The following DIAPH2 variants were observed in gnomAD, a reference collection of about 807,000 sequenced individuals.
DIAPH2 encodes the protein diaphanous related formin 2.
Under a neutral mutation model 92.7 loss-of-function variants are expected in DIAPH2, and 35 were observed. The ratio of observed to expected loss-of-function variants is 0.38; its 90% CI spans 0.29 to 0.50. DIAPH2 has a LOEUF of 0.50. DIAPH2 is among the 20% of genes least tolerant of loss of function. DIAPH2 has a pLI of 0.94. For missense variants in DIAPH2, 701 were observed against 819.5 expected (o/e 0.86, Z 1.77); for synonymous variants, 301 against 280.4 (o/e 1.07, Z -0.73).
chrX:96,730,764 C>T (rs2064049095), intron 1 of DIAPH2, among the ~76,000 whole-genome samples: 1 of 111,344 alleles, frequency 9.0e-6, no homozygotes, highest in Admixed American at 9.6e-5. Flanking sequence ...TTCCCAGTGC[C>T]CAGTACTGAA....
chrX:96,899,469 ATTTTC>A lies in DIAPH2; in HGVS notation c.588-12856_588-12852del, dbSNP rs1217891509. On this transcript the variant is annotated intron_variant, in intron 5 of 26. Coordinates refer to ENST00000324765, the MANE Select transcript of DIAPH2 (RefSeq NM_006729.5). ...TCCCTTGTAAGTTGGATTCCTAGGT[ATTTTC>A]TTCTCTTTGAGGCAATTGTGAATGG... Among the ~76,000 whole-genome samples, 138 of 110,356 alleles carry A rather than the reference ATTTTC, an allele frequency of 1.3e-3. 1 individual carries two copies. Among genetic ancestry groups the A allele is most frequent in the African/African-American group, 4.2e-3 (126 of 30,254 alleles).
At chrX:96,758,302 G>A in intron 4 of DIAPH2, 44 bp downstream of exon 4, 2 of 1,090,870 alleles carry the variant, frequency 1.8e-6, no homozygotes, top group Middle Eastern at 2.5e-4. Context: ...TGAGCAATGA[G>A]CTTAGCATCA....
chrX:96,958,268 A>G, intron 16 of DIAPH2, 120 bp downstream of exon 16: 1 of 779,446 alleles, frequency 1.3e-6, no homozygotes, highest in Non-Finnish European at 1.7e-6. Flanking sequence ...TTGTGGGTTC[A>G]TCATTTTATG....
intron 4 of DIAPH2, among the ~76,000 whole-genome samples, chrX:96,845,883 C>A (rs769954876): frequency 1.6e-3 from 183 of 111,327 alleles, no homozygotes; most frequent in Non-Finnish European, 2.9e-3. Context: ...TGGGTTCAAG[C>A]GATTCACCTG....
chrX:97,428,553 G>A (rs2070094940), intron 25 of DIAPH2, among the ~76,000 whole-genome samples: 1 of 109,847 alleles, frequency 9.1e-6, no homozygotes, highest in Admixed American at 9.7e-5. Context: ...AAAAAAAAAT[G>A]TATTTTCATT....
At chrX:96,982,964 A>G (rs773682142) in intron 17 of DIAPH2, among the ~76,000 whole-genome samples, 20 of 111,413 alleles carry the variant, frequency 1.8e-4, no homozygotes, top group African/African-American at 6.2e-4. Flanking sequence ...GACTGCGGCA[A>G]AATTTAGCTA....
At chrX:96,755,034 G>T (rs1322643213) in intron 3 of DIAPH2, among the ~76,000 whole-genome samples, 1 of 107,673 alleles carries the variant, frequency 9.3e-6, no homozygotes, top group Non-Finnish European at 1.9e-5. Flanking sequence ...ATTCTACTGT[G>T]ATTCAACAAT....
chrX:97,196,651 T>C (rs893191784), intron 22 of DIAPH2, among the ~76,000 whole-genome samples: 1 of 112,273 alleles, frequency 8.9e-6, no homozygotes, highest in Non-Finnish European at 1.9e-5. Flanking sequence ...GATTGAAATA[T>C]AGGAAATGAG....
At chrX:97,220,924 C>T (rs2067919466) in intron 22 of DIAPH2, among the ~76,000 whole-genome samples, 2 of 111,492 alleles carry the variant, frequency 1.8e-5, no homozygotes, top group African/African-American at 6.5e-5. Context: ...ATAATAATTA[C>T]TACATATTAA....
At chrX:97,591,605 T>C (rs1041151488) in intron 26 of DIAPH2, among the ~76,000 whole-genome samples, 10 of 112,474 alleles carry the variant, frequency 8.9e-5, no homozygotes, top group Admixed American at 2.8e-4. Context: ...TATAAGCCAC[T>C]ATCATAGACA....
At chrX:97,446,068 G>T (rs1253603403) in intron 26 of DIAPH2, among the ~76,000 whole-genome samples, 1 of 110,902 alleles carries the variant, frequency 9.0e-6, no homozygotes, top group Non-Finnish European at 1.9e-5. Flanking sequence ...CAGCCTTTTT[G>T]GAATTATGAC....
intron 4 of DIAPH2, among the ~76,000 whole-genome samples, chrX:96,872,103 A>G (rs2065147297): frequency 8.9e-6 from 1 of 111,927 alleles, no homozygotes; most frequent in African/African-American, 3.3e-5. Context: ...CATACAATGC[A>G]TAATAATCAC....
rs762226509 is a variant in DIAPH2 at position 97,149,335 on chromosome X, C to T, written c.2719+7541C>T. On this transcript the variant is annotated intron_variant, in intron 22 of 26. Transcript: ENST00000324765. Reference sequence around the variant, plus strand: ...CAAAATGTTAGTAGAATTGACCTTACTTAAATCTTAGCAGCCTGAGTAAAA... The same window carrying T: ...CAAAATGTTAGTAGAATTGACCTTATTTAAATCTTAGCAGCCTGAGTAAAA... Among the ~76,000 whole-genome samples, 3 of 111,829 alleles carry T rather than the reference C, an allele frequency of 2.7e-5. No individual in the cohort carries two copies. The South Asian group carries it at 1.1e-3, about 41-fold the overall frequency.
intron 5 of DIAPH2, among the ~76,000 whole-genome samples, chrX:96,888,067 T>TC (rs1385870582): frequency 2.0e-5 from 2 of 100,939 alleles, no homozygotes; most frequent in Non-Finnish European, 4.0e-5. Flanking sequence ...TCTCTCTCTC[T>TC]TTTTTTTTTT....
chrX:96,840,391 G>A (rs2064927531), intron 4 of DIAPH2, among the ~76,000 whole-genome samples: 1 of 111,493 alleles, frequency 9.0e-6, no homozygotes, highest in Non-Finnish European at 1.9e-5. Flanking sequence ...GAGAGTAAAT[G>A]CATTCAATAT....
At chrX:97,015,125 G>C in intron 17 of DIAPH2, among the ~76,000 whole-genome samples, 1 of 111,673 alleles carries the variant, frequency 9.0e-6, no homozygotes, top group South Asian at 3.8e-4. Context: ...ATTTCAGAAA[G>C]AATGGGGATA....
intron 24 of DIAPH2, among the ~76,000 whole-genome samples, chrX:97,379,089 A>G (rs1206279797): frequency 1.8e-5 from 2 of 112,215 alleles, no homozygotes; most frequent in African/African-American, 6.5e-5. Flanking sequence ...CAAAAGAGAA[A>G]ATGAATACAT....
At chrX:97,369,437 TGCCCTTACCA>T (rs2069420909) in intron 24 of DIAPH2, among the ~76,000 whole-genome samples, 3 of 99,919 alleles carry the variant, frequency 3.0e-5, no homozygotes, top group South Asian at 1.0e-3. Context: ...ATAACTTCAT[TGCCCTTACCA>T]GCAATATTAC....
intron 22 of DIAPH2, among the ~76,000 whole-genome samples, chrX:97,206,796 G>C (rs907148164): frequency 9.0e-6 from 1 of 111,458 alleles, no homozygotes; most frequent in African/African-American, 3.3e-5. Context: ...CTATCAAGGG[G>C]CAGGCAATGC....
Sources: gnomAD v4.1 joint callset for allele counts (sites outside exome capture counted in the v4.1 genomes callset) on GRCh38, gnomAD v4.1.1 for gene constraint, MANE v1.5 for transcripts, NCBI Gene and HGNC (gene_info 2026-07-23, HGNC 2026-07-21) for gene names.